GNG12: variants seen among roughly 807,000 people sequenced by gnomAD.
GNG12 encodes the protein guanine nucleotide-binding protein G(I)/G(S)/G(O) subunit gamma-12.
For synonymous variants in GNG12, 28 were observed against 29.7 expected (o/e 0.94, Z 0.19); for missense variants, 69 against 83.8 (o/e 0.82, Z 0.69).
chr1:67,756,220 A>C (rs1158917098), intron 2 of GNG12, among the ~76,000 whole-genome samples: 1 of 152,220 alleles, frequency 6.6e-6, no homozygotes, highest in Non-Finnish European at 1.5e-5. Flanking sequence ...GTTTCTCAGA[A>C]GAGTATCTGA....
intron 1 of GNG12, among the ~76,000 whole-genome samples, chr1:67,802,344 A>T (rs1646871279): frequency 2.0e-5 from 3 of 152,178 alleles, no homozygotes; most frequent in Admixed American, 6.5e-5. Context: ...GATCTGAGAG[A>T]CAAAAAGGAC....
At position 67,782,404 on chromosome 1, in the gene GNG12, C is replaced by A. The variant is rs562932964; in HGVS notation, c.-76-4897G>T. On this transcript the variant is annotated intron_variant, in intron 1 of 3. Coordinates refer to ENST00000370982, the MANE Select transcript of GNG12 (RefSeq NM_018841.6). ...GGCTTCTGTCCCAGAGAATGGTACA[C>A]CCCGAAAGGTTGAACTGGCCTATTT... Among the ~76,000 whole-genome samples the A allele has an allele frequency of 2.0e-5, 3 of 152,254 alleles. No homozygotes were observed. In the South Asian group the frequency reaches 6.2e-4, roughly 32 times the overall value.
intron 2 of GNG12, among the ~76,000 whole-genome samples, chr1:67,730,650 G>A (rs924644693): frequency 6.6e-6 from 1 of 152,216 alleles, no homozygotes; most frequent in African/African-American, 2.4e-5. Flanking sequence ...GGTGGGAAAG[G>A]AAATACAAAG....
intron 1 of GNG12, among the ~76,000 whole-genome samples, chr1:67,778,125 TAATAA>T (rs1273660930): frequency 6.7e-6 from 1 of 149,746 alleles, no homozygotes; most frequent in East Asian, 1.9e-4. Flanking sequence ...TACATAATTA[TAATAA>T]AATACATTTA....
intron 1 of GNG12, among the ~76,000 whole-genome samples, chr1:67,793,048 G>A (rs1342624588): frequency 1.3e-5 from 2 of 152,132 alleles, no homozygotes; most frequent in Non-Finnish European, 2.9e-5. Context: ...GTCACTCTGT[G>A]AATTCCACCT....
intron 2 of GNG12, among the ~76,000 whole-genome samples, chr1:67,710,235 T>TATATATAGTTATATATATATAGTTAC: frequency 8.4e-6 from 1 of 119,274 alleles, no homozygotes; most frequent in African/African-American, 3.2e-5. Context: ...TATATAGTTA[T>TATATATAGTTATATATATATAGTTAC]ATATATAGTT....
chr1:67,777,310 A>G (rs1387349057), intron 2 of GNG12, 148 bp downstream of exon 2: 1 of 153,532 alleles, frequency 6.5e-6, no homozygotes, highest in Non-Finnish European at 1.4e-5. Flanking sequence ...AGGCATGGAA[A>G]CATCATAAAT....
At chr1:67,765,148 T>A (rs564990446) in intron 2 of GNG12, among the ~76,000 whole-genome samples, 1 of 152,202 alleles carries the variant, frequency 6.6e-6, no homozygotes, top group South Asian at 2.1e-4. Context: ...AAAAAATAAC[T>A]TATAATAATC....
chr1:67,829,052 C>T (rs1647027418), intron 1 of GNG12, among the ~76,000 whole-genome samples: 1 of 151,990 alleles, frequency 6.6e-6, no homozygotes, highest in South Asian at 2.1e-4. Context: ...GTAACTATTA[C>T]ACAAATGAAT....
chr1:67,774,624 T>G (rs943060038), intron 2 of GNG12, among the ~76,000 whole-genome samples: 9 of 152,174 alleles, frequency 5.9e-5, no homozygotes, highest in South Asian at 4.1e-4. Flanking sequence ...CCATTCTCCA[T>G]GGGCAGCCAT....
At chr1:67,793,123 T>C (rs1476072775) in intron 1 of GNG12, among the ~76,000 whole-genome samples, 1 of 152,194 alleles carries the variant, frequency 6.6e-6, no homozygotes, top group African/African-American at 2.4e-5. Flanking sequence ...CTGTGTCTTT[T>C]CTCCTTTTCT....
At chr1:67,712,195 G>A (rs1270227021) in intron 2 of GNG12, among the ~76,000 whole-genome samples, 3 of 152,180 alleles carry the variant, frequency 2.0e-5, no homozygotes, top group Non-Finnish European at 2.9e-5. Flanking sequence ...GAGGATGTCT[G>A]GCTGTTTTTT....
At chr1:67,800,649 T>G (rs903174234) in intron 1 of GNG12, among the ~76,000 whole-genome samples, 22 of 152,348 alleles carry the variant, frequency 1.4e-4, no homozygotes, top group African/African-American at 5.3e-4. Flanking sequence ...GACTTAATTT[T>G]TACTGCTTCA....
intron 2 of GNG12, among the ~76,000 whole-genome samples, chr1:67,750,406 A>G (rs1362932243): frequency 6.6e-6 from 1 of 152,160 alleles, no homozygotes; most frequent in East Asian, 1.9e-4. Context: ...AGGCATTGTA[A>G]AAGTTCTCAG....
chr1:67,722,673 A>C (rs1254870248), intron 2 of GNG12, among the ~76,000 whole-genome samples: 1 of 152,170 alleles, frequency 6.6e-6, no homozygotes, highest in Non-Finnish European at 1.5e-5. Flanking sequence ...ATTAAAGTTA[A>C]CTTTCTCATG....
At chr1:67,769,636 G>T (rs147618154) in intron 2 of GNG12, among the ~76,000 whole-genome samples, 1 of 152,200 alleles carries the variant, frequency 6.6e-6, no homozygotes, top group African/African-American at 2.4e-5. Flanking sequence ...ACAGGTGCAC[G>T]TTGGTATGCA....
intron 1 of GNG12, among the ~76,000 whole-genome samples, chr1:67,778,636 A>G (rs561591413): frequency 1.3e-5 from 2 of 152,264 alleles, no homozygotes; most frequent in African/African-American, 4.8e-5. Context: ...CGAGGTAAAT[A>G]TATTATTCTC....
intron 2 of GNG12, among the ~76,000 whole-genome samples, chr1:67,767,032 T>C (rs1254320291): frequency 6.6e-6 from 1 of 152,174 alleles, no homozygotes; most frequent in Non-Finnish European, 1.5e-5. Context: ...AGATCGTTTT[T>C]GTGGGTTCTA....
At chr1:67,720,306 G>A (rs1405642957) in intron 2 of GNG12, among the ~76,000 whole-genome samples, 1 of 152,242 alleles carries the variant, frequency 6.6e-6, no homozygotes, top group Non-Finnish European at 1.5e-5. Context: ...GTAGCCCTCG[G>A]ATGGGGACCC....
Sources: gnomAD v4.1 joint callset for allele counts (sites outside exome capture counted in the v4.1 genomes callset) on GRCh38, gnomAD v4.1.1 for gene constraint, MANE v1.5 for transcripts, NCBI Gene and HGNC (gene_info 2026-07-23, HGNC 2026-07-21) for gene names.